The following GPHN variants were observed in gnomAD, a reference collection of about 807,000 sequenced individuals.
GPHN encodes gephyrin.
Under a neutral mutation model 95.5 loss-of-function variants are expected in GPHN, and 17 were observed. That is an observed-to-expected ratio of 0.18 (90% confidence interval 0.12 to 0.27). The LOEUF (loss-of-function observed/expected upper bound fraction) is 0.27. GPHN is among the 10% of genes least tolerant of loss of function. The pLI, the probability that GPHN is intolerant of heterozygous loss-of-function variation, is 1.00. For synonymous variants in GPHN, 320 were observed against 322.5 expected (o/e 0.99, Z 0.08); for missense variants, 660 against 978.1 (o/e 0.67, Z 4.34).
At chr14:67,726,273 T>TGGGTCTAGTCTATTGGA in the GPHN span, 1 of 745,234 alleles carries the variant, frequency 1.3e-6, no homozygotes, top group Non-Finnish European at 2.5e-6. Flanking sequence ...GGAATTCCAA[T>TGGGTCTAGTCTATTGGA]AGACTAGACC....
chr14:66,910,853 G>A (rs1038915951), intron 5 of GPHN, among the ~76,000 whole-genome samples: 5 of 151,864 alleles, frequency 3.3e-5, no homozygotes, highest in African/African-American at 7.2e-5. Context: ...TTAATTGGTC[G>A]TGACCTACAA....
chr14:66,970,109 T>G (rs2069651729), intron 9 of GPHN, among the ~76,000 whole-genome samples: 1 of 150,822 alleles, frequency 6.6e-6, no homozygotes, highest in African/African-American at 2.4e-5. Context: ...TTTTTGCTCT[T>G]AGGAAGAAAA....
At chr14:66,640,214 A>C (rs2064319525) in intron 1 of GPHN, among the ~76,000 whole-genome samples, 1 of 152,150 alleles carries the variant, frequency 6.6e-6, no homozygotes, top group African/African-American at 2.4e-5. Flanking sequence ...TGAGGTCGTG[A>C]GTTCAAGACC....
intron 8 of GPHN, among the ~76,000 whole-genome samples, chr14:66,961,896 A>ATGTGTATATATATATATG (rs2068925512): frequency 1.0e-5 from 1 of 98,706 alleles, no homozygotes; most frequent in African/African-American, 3.4e-5. Context: ...CTATCCCTGA[A>ATGTGTATATATATATATG]TGTGTATATA....
At chr14:66,674,281 G>A (rs1161574695) in intron 1 of GPHN, among the ~76,000 whole-genome samples, 1 of 151,834 alleles carries the variant, frequency 6.6e-6, no homozygotes, top group Admixed American at 6.6e-5. Flanking sequence ...TGTATTTTTA[G>A]TAGAGACGGG....
intron 17 of GPHN, among the ~76,000 whole-genome samples, chr14:67,136,942 T>C (rs1305163976): frequency 1.3e-5 from 2 of 152,158 alleles, no homozygotes; most frequent in East Asian, 3.9e-4. Flanking sequence ...ATCCCAGCGC[T>C]TTGGGAGGCC....
chr14:66,718,390 TCAGGAA>T (rs1352861852), intron 2 of GPHN, among the ~76,000 whole-genome samples: 8 of 152,120 alleles, frequency 5.3e-5, no homozygotes, highest in African/African-American at 1.9e-4. Flanking sequence ...CTCGCTGACT[TCAGGAA>T]TAAGCCACAG....
chr14:67,192,031 G>A, the GPHN span, among the ~76,000 whole-genome samples: 2 of 152,182 alleles, frequency 1.3e-5, no homozygotes, highest in Non-Finnish European at 2.9e-5. Context: ...GAGACCGCAA[G>A]GGATCAGCTA....
intron 4 of GPHN, among the ~76,000 whole-genome samples, chr14:66,826,177 C>T (rs780791885): frequency 7.2e-5 from 11 of 151,974 alleles, no homozygotes; most frequent in Non-Finnish European, 1.3e-4. Flanking sequence ...GATAATTGAT[C>T]GTGGGGAAAT....
At chr14:66,771,680 T>G (rs1352427260) in intron 2 of GPHN, among the ~76,000 whole-genome samples, 1 of 151,106 alleles carries the variant, frequency 6.6e-6, no homozygotes, top group Non-Finnish European at 1.5e-5. Flanking sequence ...ACCCACTAAC[T>G]CGTCATCTAG....
At chr14:67,081,258 C>G (rs2076683226) in intron 11 of GPHN, among the ~76,000 whole-genome samples, 1 of 152,174 alleles carries the variant, frequency 6.6e-6, no homozygotes, top group Non-Finnish European at 1.5e-5. Flanking sequence ...TTCACCACAT[C>G]CCCACCAACA....
In GPHN at chr14:66,655,445, A is replaced by G. The variant is rs575752517; in HGVS notation, c.65-25662A>G. ...ATACAAATGTAATTGATTTTCATAT[A>G]TCAGTCTTGTATCTTGTGGCCTTGA... On this transcript the variant is annotated intron_variant, in intron 1 of 22. Transcript: ENST00000478722. Among the ~76,000 whole-genome samples, 8 of 152,236 alleles carry G rather than the reference A, an allele frequency of 5.3e-5. No individual in the cohort carries two copies. The South Asian group carries it at 1.5e-3, about 28-fold the overall frequency.
At chr14:66,558,944 G>A (rs1256388250) in intron 1 of GPHN, among the ~76,000 whole-genome samples, 4 of 144,068 alleles carry the variant, frequency 2.8e-5, no homozygotes, top group African/African-American at 1.0e-4. Context: ...GTGTCCATGT[G>A]TTCTCATTGT....
At chr14:66,977,248 G>A (rs966126911) in intron 9 of GPHN, among the ~76,000 whole-genome samples, 14 of 152,014 alleles carry the variant, frequency 9.2e-5, no homozygotes, top group Admixed American at 1.3e-4. Context: ...TGACTAACAC[G>A]GAGAAACCCT....
chr14:66,875,746 C>G (rs2063632869), intron 4 of GPHN, among the ~76,000 whole-genome samples: 1 of 152,158 alleles, frequency 6.6e-6, no homozygotes, highest in Admixed American at 6.5e-5. Flanking sequence ...CACCCAGATT[C>G]ATAAATCAAG....
chr14:67,691,786 T>G, the GPHN span: 2 of 154,942 alleles, frequency 1.3e-5, no homozygotes, highest in Admixed American at 1.3e-4. Context: ...GATATGCCTA[T>G]AGAGTGCTCT....
chr14:66,970,138 C>G (rs1247721415), intron 9 of GPHN, among the ~76,000 whole-genome samples: 1 of 136,804 alleles, frequency 7.3e-6, no homozygotes, highest in Non-Finnish European at 1.5e-5. Context: ...CTATCAATAT[C>G]TAATTGAAGT....
the GPHN span, among the ~76,000 whole-genome samples, chr14:67,263,305 A>G: frequency 0.012 from 1,765 of 152,306 alleles, 36 homozygotes; most frequent in African/African-American, 0.039. Context: ...AAACAGGGAT[A>G]TTCAGATTTG....
the GPHN span, among the ~76,000 whole-genome samples, chr14:67,286,363 G>C: frequency 1.3e-5 from 2 of 152,092 alleles, no homozygotes; most frequent in African/African-American, 4.8e-5. Flanking sequence ...TCTGTCCTCT[G>C]TCTTCTCTTT....
Sources: allele counts gnomAD v4.1 joint callset (sites outside exome capture counted in the v4.1 genomes callset), GRCh38; gene constraint gnomAD v4.1.1; transcripts MANE v1.5; gene names NCBI Gene and HGNC (gene_info 2026-07-23, HGNC 2026-07-21).